Variants in EGFR observed in about 807,000 individuals in gnomAD.
The protein encoded by EGFR is epidermal growth factor receptor.
A neutral mutation model predicts 143.0 loss-of-function variants in EGFR; 58 were observed. The observed-to-expected ratio is 0.41, with a 90% confidence interval of 0.33 to 0.50. The LOEUF (loss-of-function observed/expected upper bound fraction) is 0.50. Ranked by LOEUF, EGFR falls within the 20% of genes least tolerant of loss-of-function variation. The probability of loss-of-function intolerance (pLI) is 0.39; values close to 1 mark genes in which losing one functional copy is unlikely to be tolerated. For missense variants in EGFR, 1,307 were observed against 1,579.0 expected (o/e 0.83, Z 2.92); for synonymous variants, 613 against 594.4 (o/e 1.03, Z -0.45).
chr7:55,163,923 G>A (rs954176944), intron 14 of EGFR, 100 bp downstream of exon 14: 8 of 1,345,344 alleles, frequency 5.9e-6, no homozygotes, highest in East Asian at 4.6e-5. Context: ...TGGGCAGGAC[G>A]GCCATCAGAG....
intron 25 of EGFR, 104 bp downstream of exon 25, chr7:55,201,459 A>T (rs2128972027): frequency 1.3e-6 from 2 of 1,516,800 alleles, no homozygotes; most frequent in Non-Finnish European, 1.8e-6. Context: ...CATGGATATG[A>T]AGTCAATTTT....
chr7:55,198,652 A>C, intron 22 of EGFR, 65 bp from the exon 23 acceptor site: 1 of 1,609,386 alleles, frequency 6.2e-7, no homozygotes, highest in Non-Finnish European at 8.5e-7. Context: ...ATGATGACTA[A>C]AGCAAGGGAT....
chr7:55,112,780 C>T (rs1297837276), intron 1 of EGFR, among the ~76,000 whole-genome samples: 1 of 152,230 alleles, frequency 6.6e-6, no homozygotes, highest in African/African-American at 2.4e-5. Flanking sequence ...GCCAAGGTCA[C>T]ACAGGTAGCC....
At chr7:55,038,515 G>A (rs1787727294) in intron 1 of EGFR, among the ~76,000 whole-genome samples, 1 of 152,188 alleles carries the variant, frequency 6.6e-6, no homozygotes, top group Non-Finnish European at 1.5e-5. Context: ...CACACGTGTG[G>A]TCCCTGCCCT....
At chr7:55,119,088 G>C (rs761161391) in intron 1 of EGFR, 2 of 152,186 alleles carry the variant, frequency 1.3e-5, no homozygotes, top group African/African-American at 4.8e-5. Context: ...CTGGCAAGAA[G>C]AGGAAGGCAT....
intron 27 of EGFR, chr7:55,202,990 C>G (rs1341359200): frequency 1.9e-6 from 1 of 520,332 alleles, no homozygotes; most frequent in African/African-American, 1.9e-5. Context: ...TCCCTGTTCT[C>G]TCTGCTGGCT....
intron 12 of EGFR, among the ~76,000 whole-genome samples, chr7:55,160,673 TACAC>T (rs1440865626): frequency 1.3e-5 from 2 of 152,350 alleles, no homozygotes; most frequent in African/African-American, 2.4e-5. Context: ...GCTACACACA[TACAC>T]ACACAGAGGA....
chr7:55,112,278 G>T (rs908036684), intron 1 of EGFR, among the ~76,000 whole-genome samples: 1 of 152,204 alleles, frequency 6.6e-6, no homozygotes, highest in African/African-American at 2.4e-5. Flanking sequence ...GTGGCTCAGG[G>T]TCATTCCCCT....
At chr7:55,082,212 C>A (rs892890645) in intron 1 of EGFR, among the ~76,000 whole-genome samples, 2 of 152,110 alleles carry the variant, frequency 1.3e-5, no homozygotes, top group Admixed American at 1.3e-4. Flanking sequence ...GTTAGAGTGT[C>A]AGATATGTGA....
chr7:55,104,478 C>T lies in EGFR; in HGVS notation c.89-37808C>T, dbSNP rs531884342. Among the ~76,000 whole-genome samples, 199 of 152,276 alleles carry T rather than the reference C, an allele frequency of 1.3e-3. 3 individuals are homozygous for T. In the South Asian group the frequency reaches 0.04, roughly 31 times the overall value. ...TGGATGACCTTGGCAAGTTGACTTT[C>T]GTGAGCCTCATTTGTCTCATCTCTC... On this transcript the variant is annotated intron_variant, in intron 1 of 27. Coordinates refer to ENST00000275493, the MANE Select transcript of EGFR (RefSeq NM_005228.5).
chr7:55,202,169 A>G (rs1210845526), intron 26 of EGFR, among the ~76,000 whole-genome samples: 6 of 152,190 alleles, frequency 3.9e-5, no homozygotes, highest in Admixed American at 2.6e-4. Flanking sequence ...GGCTACTTCA[A>G]CTTAAATGTT....
rs117832692 is a variant in EGFR at position 55,160,679 on chromosome 7, C to T, written c.1498+341C>T. Among the ~76,000 whole-genome samples, 55 of 152,326 alleles carry T rather than the reference C, an allele frequency of 3.6e-4. 1 individual carries two copies. The East Asian group carries it at 9.1e-3, about 25-fold the overall frequency. On this transcript the variant is annotated intron_variant, in intron 12 of 27. Transcript: ENST00000275493. Reference sequence around the variant, plus strand: ...AAGACTACAGCTACACACATACACACACAGAGGAATGGAATGAGCACTTTA... The same window carrying T: ...AAGACTACAGCTACACACATACACATACAGAGGAATGGAATGAGCACTTTA...
intron 15 of EGFR, among the ~76,000 whole-genome samples, chr7:55,169,226 G>A (rs1042900102): frequency 1.3e-5 from 2 of 151,598 alleles, no homozygotes; most frequent in African/African-American, 2.4e-5. Flanking sequence ...TCAGCCTCCC[G>A]AGTAGCTGGG....
intron 1 of EGFR, among the ~76,000 whole-genome samples, chr7:55,038,994 G>T (rs1401787835): frequency 6.6e-6 from 1 of 151,680 alleles, no homozygotes; most frequent in Non-Finnish European, 1.5e-5. Flanking sequence ...GGTAGATCTG[G>T]TACCAGTTAG....
chr7:55,040,307 A>AT (rs974902531), intron 1 of EGFR, among the ~76,000 whole-genome samples: 1 of 152,060 alleles, frequency 6.6e-6, no homozygotes, highest in Non-Finnish European at 1.5e-5. Context: ...CATATCCTAC[A>AT]TTTTTTCAAA....
chr7:55,133,648 C>G (rs1234679517), intron 1 of EGFR, among the ~76,000 whole-genome samples: 3 of 152,222 alleles, frequency 2.0e-5, no homozygotes, highest in African/African-American at 7.2e-5. Flanking sequence ...CCACACTGCC[C>G]CATTCTGTCC....
intron 15 of EGFR, among the ~76,000 whole-genome samples, chr7:55,169,251 C>A (rs1290712173): frequency 6.6e-6 from 1 of 152,108 alleles, no homozygotes; most frequent in Admixed American, 6.6e-5. Context: ...CAGACACCTG[C>A]CACCACGCCT....
rs1294737460 is a variant in EGFR, at chr7:55,036,283, GGT to G, written c.88+16920_88+16921del. Reference sequence around the variant, plus strand: ...GTTTGTGTGTGTGTGGGGGGGGGGGGGTGGGTGTGTGTGTGTACCACTCTACC... The same window carrying G: ...GTTTGTGTGTGTGTGGGGGGGGGGGGGGGTGTGTGTGTGTACCACTCTACC... On this transcript the variant is annotated intron_variant, in intron 1 of 27. Coordinates refer to ENST00000275493, the MANE Select transcript of EGFR (RefSeq NM_005228.5). 3.4e-3 allele frequency among the ~76,000 whole-genome samples: 213 copies of G among 63,438 alleles called. 5 individuals carry two copies. The highest frequency in any genetic ancestry group is 0.01 in the African/African-American group (185 of 17,792). The allele number at this position is 63,438 out of a possible 152,430, so 41.6% of individuals were successfully genotyped here. A position where few individuals can be genotyped will look rare whatever the true frequency, so the allele number is the denominator to read the frequency against.
At chr7:55,200,254 T>G (rs780108057) in intron 23 of EGFR, 62 bp from the exon 24 acceptor site, 93 of 1,478,352 alleles carry the variant, frequency 6.3e-5, no homozygotes, top group Admixed American at 8.4e-5. Flanking sequence ...CTTTAAGCAA[T>G]GCCATCTTTA....
Sources: gnomAD v4.1 joint callset for allele counts (sites outside exome capture counted in the v4.1 genomes callset) on GRCh38, gnomAD v4.1.1 for gene constraint, MANE v1.5 for transcripts, NCBI Gene and HGNC (gene_info 2026-07-23, HGNC 2026-07-21) for gene names.